AXIN1: variants seen among roughly 807,000 people sequenced by gnomAD.
AXIN1 encodes axin 1, also known as axin-1.
In AXIN1, 30 loss-of-function variants were observed where a neutral mutation model predicts 76.4. That is an observed-to-expected ratio of 0.39 (90% CI 0.29 to 0.53). The LOEUF is 0.53. AXIN1 is among the 20% of genes least tolerant of loss of function. The pLI is 0.66. For missense variants in AXIN1, 1,140 were observed against 1,198.8 expected (o/e 0.95, Z 0.72); for synonymous variants, 545 against 501.4 (o/e 1.09, Z -1.16).
chr16:291,654 A>G, intron 8 of AXIN1: 1 of 383,842 alleles, frequency 2.6e-6, no homozygotes, highest in Non-Finnish European at 5.0e-6. Context: ...CTTGGCATGA[A>G]TTCCCCACCG....
At chr16:318,779 C>A (rs1217265478) in intron 2 of AXIN1, among the ~76,000 whole-genome samples, 4 of 148,440 alleles carry the variant, frequency 2.7e-5, no homozygotes, top group Non-Finnish European at 6.0e-5. Flanking sequence ...ACGAGCACCT[C>A]CACCTACACC....
rs780832517 is a variant in AXIN1, at chr16:346,214, A to G, written c.812T>C (p.Leu271Pro). The change falls in exon 2 of 11, where the codon CTG becomes CCG. Residue 271 changes from leucine (L) to proline (P), a missense_variant. Transcript: ENST00000262320. ...CCTCGGGGCAGCTGTCTCCAGGAGC[A>G]GCTTCTGAGGGAGTCTTCCGGGGGG... ...AAPPGRLPQK[L>P]LLETAAPRVS... 6.2e-7 allele frequency: 1 copy of G among 1,614,108 alleles called. No individual in the cohort carries two copies. Among genetic ancestry groups the G allele is most frequent in the Non-Finnish European group, 8.5e-7 (1 of 1,180,042 alleles).
chr16:332,838 A>C (rs1220247748), intron 2 of AXIN1, among the ~76,000 whole-genome samples: 2 of 152,112 alleles, frequency 1.3e-5, no homozygotes, highest in Admixed American at 6.6e-5. Context: ...ATCTCAAATA[A>C]GTTCTAAAAT....
intron 2 of AXIN1, among the ~76,000 whole-genome samples, chr16:336,363 G>A (rs530333582): frequency 1.3e-5 from 2 of 152,330 alleles, no homozygotes; most frequent in East Asian, 3.9e-4. Flanking sequence ...ACACAAGATA[G>A]CAGTGAGCAC....
chr16:341,112 C>T (rs1597112360), intron 2 of AXIN1, among the ~76,000 whole-genome samples: 1 of 152,268 alleles, frequency 6.6e-6, no homozygotes, highest in African/African-American at 2.4e-5. Context: ...TGGCAGTCCT[C>T]ACAGCCCTCG....
Position 347,099 on chromosome 16 carries a change from A to T in AXIN1, c.-74T>A. On this transcript the variant is annotated 5_prime_UTR_variant, in exon 2 of 11. An upstream open reading frame in the 5' UTR gains an earlier in-frame stop. Transcript: ENST00000262320. ...AGTACTTACAGCTCCAAAGTGAATC[A>T]ATCTGTCCTGTTGAAACCATTAAGA... 1 of 1,610,538 alleles carries T rather than the reference A, an allele frequency of 6.2e-7. No individual in the cohort carries two copies. The highest frequency in any genetic ancestry group is 8.5e-7 in the Non-Finnish European group (1 of 1,179,948).
rs2054038920 is a variant in AXIN1 at position 346,569 on chromosome 16, T to C, written c.457A>G (p.Asn153Asp). Residue 153 changes from asparagine (N) to aspartate (D), a missense_variant, in exon 2 of 11, where the codon AAT becomes GAT. Physicochemically the swap from Asn to Asp is conservative, Grantham distance 23. Around this residue, in one of 3 missense-constraint regions of AXIN1, gnomAD observed 708 missense variants for 776.9 expected, o/e 0.91. Transcript: ENST00000262320. ...TTGGTCTGCCGGGACACGATGCCAT[T>C]GTTATCAAGAATGTACTTTCGGTAG... The part of the protein sequence containing the change: ...AIYRKYILDN[N>D]GIVSRQTKPA... 1.9e-6 allele frequency: 3 copies of C among 1,613,092 alleles called. No homozygotes were observed. Among genetic ancestry groups the C allele is most frequent in the Non-Finnish European group, 2.5e-6 (3 of 1,179,416 alleles).
intron 8 of AXIN1, chr16:292,540 G>C (rs1355424078): frequency 1.3e-5 from 2 of 152,414 alleles, no homozygotes; most frequent in South Asian, 2.1e-4. Context: ...AGGCCCGGGA[G>C]GCGGGCCTGG....
intron 2 of AXIN1, among the ~76,000 whole-genome samples, chr16:315,189 C>G (rs1260403254): frequency 6.6e-6 from 1 of 152,206 alleles, no homozygotes; most frequent in African/African-American, 2.4e-5. Context: ...GTCCCCCTAC[C>G]TAGAGCAGAG....
intron 3 of AXIN1, among the ~76,000 whole-genome samples, chr16:312,588 C>T (rs1259992443): frequency 6.6e-6 from 1 of 152,206 alleles, no homozygotes; most frequent in Non-Finnish European, 1.5e-5. Flanking sequence ...TTCAGGACCA[C>T]GGCAGGCACT....
intron 2 of AXIN1, among the ~76,000 whole-genome samples, chr16:319,888 CG>C (rs2053401189): frequency 6.6e-6 from 1 of 152,344 alleles, no homozygotes; most frequent in Non-Finnish European, 1.5e-5. Flanking sequence ...GGGCCACCGT[CG>C]GATCGGGTTG....
chr16:324,958 G>C (rs944388996), intron 2 of AXIN1, among the ~76,000 whole-genome samples: 2 of 152,210 alleles, frequency 1.3e-5, no homozygotes, highest in African/African-American at 2.4e-5. Context: ...GCAAGGAAAC[G>C]GCTGTGTAAA....
intron 6 of AXIN1, 91 bp downstream of exon 6, chr16:297,631 G>T: frequency 6.9e-7 from 1 of 1,449,252 alleles, no homozygotes; most frequent in Non-Finnish European, 9.1e-7. Flanking sequence ...TGGCGGTCCT[G>T]GGTTTCCTGA....
At chr16:326,090 C>T (rs566297680) in intron 2 of AXIN1, among the ~76,000 whole-genome samples, 264 of 152,182 alleles carry the variant, frequency 1.7e-3, no homozygotes, top group African/African-American at 6.1e-3. Flanking sequence ...CGTGGTGGCT[C>T]ATGCCTGTAA....
chr16:300,827 TG>T (rs1481009190), intron 5 of AXIN1, among the ~76,000 whole-genome samples: 1 of 152,180 alleles, frequency 6.6e-6, no homozygotes, highest in East Asian at 1.9e-4. Context: ...TAAAAGTGTT[TG>T]GAGTTTTGAT....
intron 2 of AXIN1, among the ~76,000 whole-genome samples, chr16:341,434 T>C (rs2053918269): frequency 6.6e-6 from 1 of 152,138 alleles, no homozygotes; most frequent in Admixed American, 6.5e-5. Context: ...GTGTGCTGGG[T>C]CCCCCGGCAG....
At chr16:340,060 A>G (rs1465715262) in intron 2 of AXIN1, among the ~76,000 whole-genome samples, 1 of 149,736 alleles carries the variant, frequency 6.7e-6, no homozygotes, top group Non-Finnish European at 1.5e-5. Flanking sequence ...TTTTTTTTTT[A>G]ACCATTTCTT....
intron 9 of AXIN1, chr16:290,027 C>A: frequency 3.7e-6 from 1 of 269,278 alleles, no homozygotes; most frequent in Non-Finnish European, 7.3e-6. Context: ...AGCCTGACCC[C>A]GCAGCGAAGT....
In AXIN1 at chr16:346,346, C is replaced by A. The variant is rs2141702111; in HGVS notation, c.680G>T (p.Gly227Val). ...SPKVCSDQSSGSGTGKGISGY... is the reference protein window; with the variant it reads ...SPKVCSDQSSVSGTGKGISGY... ...AGATATGCCCTTCCCTGTCCCTGACCCAGAGCTCTGGTCACTACAGACTTT... is the reference window on the plus strand; with the variant it reads ...AGATATGCCCTTCCCTGTCCCTGACACAGAGCTCTGGTCACTACAGACTTT... Residue 227 changes from glycine to valine, a missense_variant, in exon 2 of 11, where the codon GGG becomes GTG. By Grantham distance (109) the Gly-to-Val change is moderately radical. This residue lies in a region of AXIN1 where 708 missense variants were observed against 776.9 expected (regional missense o/e 0.91). Coordinates refer to ENST00000262320, the MANE Select transcript of AXIN1 (RefSeq NM_003502.4). The A allele has an allele frequency of 6.2e-7, 1 of 1,614,222 alleles. No individual in the cohort carries two copies. The highest frequency in any genetic ancestry group is 8.5e-7 in the Non-Finnish European group (1 of 1,180,042).
Sources: gnomAD v4.1 joint callset for allele counts (sites outside exome capture counted in the v4.1 genomes callset) on GRCh38, gnomAD v4.1.1 for gene constraint, gnomAD v4.1.1 regional missense constraint, MANE v1.5 for transcripts, NCBI Gene and HGNC (gene_info 2026-07-23, HGNC 2026-07-21) for gene names.